Variants in UPF1 observed in about 807,000 individuals in gnomAD.
The protein encoded by UPF1 is regulator of nonsense transcripts 1.
In UPF1, 9 loss-of-function variants were observed where a neutral mutation model predicts 129.2. That is an observed-to-expected ratio of 0.07 (90% confidence interval 0.04 to 0.12). The LOEUF (loss-of-function observed/expected upper bound fraction) is 0.12. Among genes scored for constraint, UPF1 ranks in the 10% least tolerant of loss-of-function variants. The pLI is 1.00. For synonymous variants in UPF1, 649 were observed against 644.9 expected (o/e 1.01, Z -0.10); for missense variants, 788 against 1,525.3 (o/e 0.52, Z 8.05).
intron 17 of UPF1, among the ~76,000 whole-genome samples, 174 bp downstream of exon 17, chr19:18,861,156 C>G (rs552930646): frequency 3.3e-5 from 5 of 152,368 alleles, no homozygotes; most frequent in African/African-American, 1.2e-4. Context: ...CCCACAGACC[C>G]TGCGAAATTC....
In UPF1 at chr19:18,850,659, G is replaced by A; in HGVS notation, c.630-29G>A. The A allele has an allele frequency of 6.5e-7, 1 of 1,532,796 alleles. No individual in the cohort carries two copies. Among genetic ancestry groups the A allele is most frequent in the African/African-American group, 1.4e-5 (1 of 72,958 alleles). The allele number at this position is 1,532,796 out of a possible 1,614,324, so 94.9% of individuals were successfully genotyped here. On this transcript the variant is annotated intron_variant, in intron 4 of 23. Transcript: ENST00000262803. The surrounding 1 kb of genome is among the most constrained non-coding windows in gnomAD (Gnocchi z 7.1). ...CTCCGGGGCTTCAGGGACGGGAGCT[G>A]GTCCTCACGGCCCCCTCCCGCTCTG...
intron 18 of UPF1, 91 bp downstream of exon 18, chr19:18,862,243 C>T: frequency 2.0e-6 from 3 of 1,531,058 alleles, no homozygotes; most frequent in Non-Finnish European, 2.6e-6. Context: ...TTGCCAGGGC[C>T]AGAGGTCAGA....
In UPF1 at chr19:18,850,380, A is replaced by T; in HGVS notation, c.629+138A>T. On this transcript the variant is annotated intron_variant, in intron 4 of 23. Transcript: ENST00000262803. The surrounding 1 kb of genome is among the most constrained non-coding windows in gnomAD (Gnocchi z 7.1). ...CAAAGATGGTTTTTGCTGAAGGGTG[A>T]GGCATGAGAGCGTTTAGGCGCTGAG... 1 of 1,266,226 alleles carries T rather than the reference A, an allele frequency of 7.9e-7. No individual in the cohort carries two copies. The highest frequency in any genetic ancestry group is 1.1e-6 in the Non-Finnish European group (1 of 936,872). The allele number at this position is 1,266,226 out of a possible 1,614,324, so 78.4% of individuals were successfully genotyped here. A position where few individuals can be genotyped will look rare whatever the true frequency, so the allele number is the denominator to read the frequency against.
intron 1 of UPF1, among the ~76,000 whole-genome samples, chr19:18,840,799 C>CA (rs2055533056): frequency 6.6e-6 from 1 of 152,236 alleles, no homozygotes; most frequent in Admixed American, 6.5e-5. Context: ...TGGTGGCTGG[C>CA]AGCAGGTCCT....
intron 1 of UPF1, among the ~76,000 whole-genome samples, chr19:18,834,797 T>G (rs2055466337): frequency 6.6e-6 from 1 of 152,224 alleles, no homozygotes; most frequent in Non-Finnish European, 1.5e-5. Flanking sequence ...TTTCCCTGTT[T>G]GTCCTCAGGA....
chr19:18,864,071 T>A (rs1256297772), intron 19 of UPF1, 99 bp from the exon 20 acceptor site: 2 of 1,054,006 alleles, frequency 1.9e-6, no homozygotes, highest in East Asian at 4.8e-5. Flanking sequence ...TGTCAACACC[T>A]CACAGCTGCA....
chr19:18,853,182 T>C lies in UPF1; in HGVS notation c.1058-70T>C. On this transcript the variant is annotated intron_variant, in intron 7 of 23. Coordinates refer to ENST00000262803, the MANE Select transcript of UPF1 (RefSeq NM_002911.4). The surrounding 1 kb of genome is among the most constrained non-coding windows in gnomAD (Gnocchi z 4.4). ...TCCACCCTTGTAAAGTGCCCCTTAA[T>C]TTGAACTCTCCCTGGTGGAAGCGAC... 3 of 1,595,216 alleles carry C rather than the reference T, an allele frequency of 1.9e-6. No individual in the cohort carries two copies. The highest frequency in any genetic ancestry group is 2.6e-6 in the Non-Finnish European group (3 of 1,167,266).
Position 18,865,714 on chromosome 19 carries a change from A to G in UPF1, c.3173A>G (p.Tyr1058Cys), listed in dbSNP as rs1255318434. 1.2e-6 allele frequency: 2 copies of G among 1,613,612 alleles called. No homozygotes were observed. Among genetic ancestry groups the G allele is most frequent in the Non-Finnish European group, 1.7e-6 (2 of 1,180,012 alleles). Residue 1058 changes from tyrosine (Y) to cysteine (C), a missense_variant, in exon 22 of 24, where the codon TAC (tyrosine) becomes TGC (cysteine). Physicochemically the swap from Tyr to Cys is radical, Grantham distance 194. This residue lies in a region of UPF1 where 218 missense variants were observed against 318.1 expected (regional missense o/e 0.69). Transcript: ENST00000262803. This position sits in a 1 kb window ranked among gnomAD's most constrained non-coding sequence, Gnocchi z 6.1. ...TCTCAGGGCGCCCTGACGCAGGGCTACATCTCCATGAGCCAGCCTTCCCAG... is the reference window on the plus strand; with the variant it reads ...TCTCAGGGCGCCCTGACGCAGGGCTGCATCTCCATGAGCCAGCCTTCCCAG... ...PFSQGALTQG[Y>C]ISMSQPSQMS... is the part of the protein sequence containing the mutation.
chr19:18,843,753 T>G lies in UPF1; in HGVS notation c.232-2227T>G, dbSNP rs906863927. Among the ~76,000 whole-genome samples the G allele has an allele frequency of 8.5e-5, 12 of 140,408 alleles. No individual in the cohort carries two copies. The South Asian group carries it at 1.1e-3, about 13-fold the overall frequency. 92.1% of individuals were successfully genotyped at this position (140,408 alleles called of 152,430 possible). The stretch of plus-strand genomic sequence containing the variant: ...TGTGTGTGTGTGTGTGTGTGTGTGT[T>G]GTTGTTAAGAGAGACAGGGTCTTGG... On this transcript the variant is annotated intron_variant, in intron 1 of 23. Coordinates refer to ENST00000262803, the MANE Select transcript of UPF1 (RefSeq NM_002911.4).
chr19:18,836,363 A>G (rs2055483239), intron 1 of UPF1, among the ~76,000 whole-genome samples: 1 of 152,248 alleles, frequency 6.6e-6, no homozygotes, highest in Non-Finnish European at 1.5e-5. Context: ...AATACTGCTC[A>G]GTATTAAGAA....
rs557270474 is a variant in UPF1 at position 18,840,884 on chromosome 19, G to T, written c.232-5096G>T. 1.9e-3 allele frequency among the ~76,000 whole-genome samples: 297 copies of T among 152,358 alleles called. 1 individual carries two copies. In the Middle Eastern group the frequency reaches 0.037, roughly 19 times the overall value. ...CAGCCGGGCTTCTCAGGTCCCGTGG[G>T]CCTTTGCCAGGATGGTGTCTAGATG... is the stretch of plus-strand genomic sequence containing the variant. On this transcript the variant is annotated intron_variant, in intron 1 of 23. Transcript: ENST00000262803.
chr19:18,853,307 G>C lies in UPF1; in HGVS notation c.1113G>C (p.Ala371=), dbSNP rs374139415. 6 of 1,613,044 alleles carry C rather than the reference G, an allele frequency of 3.7e-6. No homozygotes were observed. The African/African-American group carries it at 6.7e-5, about 18-fold the overall frequency. ...EICLRYKGDL[A]PLWKGIGHVI... ...GCCTGCGGTACAAAGGGGACCTTGC[G>C]CCCCTGTGGAAAGGGATCGGCCACG... Residue 371 remains alanine, a synonymous_variant, in exon 8 of 24, where the codon GCG becomes GCC. Coordinates refer to ENST00000262803, the MANE Select transcript of UPF1 (RefSeq NM_002911.4). The surrounding 1 kb of genome is among the most constrained non-coding windows in gnomAD (Gnocchi z 4.4).
At chr19:18,852,909 T>G in intron 6 of UPF1, 78 bp from the exon 7 acceptor site, 3 of 1,227,554 alleles carry the variant, frequency 2.4e-6, no homozygotes, top group African/African-American at 1.5e-5. Context: ...GCCCGCCTCA[T>G]GGGGCCTCGG....
At chr19:18,835,108 C>T (rs1386284278) in intron 1 of UPF1, among the ~76,000 whole-genome samples, 5 of 152,146 alleles carry the variant, frequency 3.3e-5, no homozygotes, top group Non-Finnish European at 7.3e-5. Flanking sequence ...ATCCGTCCTA[C>T]CTCCACAGCC....
chr19:18,865,240 G>A lies in UPF1; in HGVS notation c.2858-49G>A, dbSNP rs760938403. On this transcript the variant is annotated intron_variant, in intron 20 of 23. Transcript: ENST00000262803. The surrounding 1 kb of genome is among the most constrained non-coding windows in gnomAD (Gnocchi z 6.1). Reference sequence around the variant, plus strand: ...GGTGGGGTGGGTGGGGTATCGCTGGGGTTTGACCGAGGCAGGTGACACCTG... The same window carrying A: ...GGTGGGGTGGGTGGGGTATCGCTGGAGTTTGACCGAGGCAGGTGACACCTG... 2.4e-5 allele frequency: 37 copies of A among 1,551,920 alleles called. No individual in the cohort carries two copies. Among genetic ancestry groups the A allele is most frequent in the Non-Finnish European group, 3.1e-5 (35 of 1,142,194 alleles).
chr19:18,860,135 T>G, intron 15 of UPF1, 186 bp from the exon 16 acceptor site: 2 of 635,756 alleles, frequency 3.1e-6, no homozygotes, highest in Admixed American at 2.5e-5. Flanking sequence ...CTCCTCAGCC[T>G]TGCCCAATCC....
chr19:18,834,511 C>T (rs960877607), intron 1 of UPF1, among the ~76,000 whole-genome samples: 6 of 152,128 alleles, frequency 3.9e-5, no homozygotes, highest in Non-Finnish European at 8.8e-5. Context: ...TTAAAACGCT[C>T]CCCTGGAGGT....
Position 18,860,579 on chromosome 19 carries a change from G to A in UPF1, c.2300+141G>A, listed in dbSNP as rs996640329. 4.5e-5 allele frequency: 43 copies of A among 954,640 alleles called. 1 individual carries two copies. Among genetic ancestry groups the A allele is most frequent in the Admixed American group, 4.4e-4 (19 of 43,632 alleles). The allele number at this position is 954,640 out of a possible 1,614,324, so 59.1% of individuals were successfully genotyped here. On this transcript the variant is annotated intron_variant, in intron 16 of 23. Transcript: ENST00000262803. The stretch of plus-strand genomic sequence containing the variant: ...GTTTAGCCTGTTTAGACTCTAAACC[G>A]TGTTGTTTCTGCCTCCTTTTCCATT...
intron 17 of UPF1, among the ~76,000 whole-genome samples, chr19:18,861,502 C>T (rs891594790): frequency 6.6e-6 from 1 of 152,192 alleles, no homozygotes; most frequent in East Asian, 1.9e-4. Flanking sequence ...GGGATGAGCA[C>T]GTGTGCTCTT....
Sources: allele counts gnomAD v4.1 joint callset (sites outside exome capture counted in the v4.1 genomes callset), GRCh38; gene constraint gnomAD v4.1.1; regional missense constraint gnomAD v4.1.1; non-coding constraint Gnocchi (gnomAD v3.1); transcripts MANE v1.5; gene names NCBI Gene and HGNC (gene_info 2026-07-23, HGNC 2026-07-21).